SMAD1: variants seen among roughly 807,000 people sequenced by gnomAD.
SMAD1 encodes SMAD family member 1, also known as MAD, mothers against decapentaplegic homolog 1.
SMAD1 carries 6 observed loss-of-function variants against 41.6 expected under a neutral mutation model. The ratio of observed to expected loss-of-function variants is 0.14; its 90% CI spans 0.08 to 0.28. The LOEUF is 0.28. SMAD1 is among the 10% of genes least tolerant of loss of function. The pLI, the probability that SMAD1 is intolerant of heterozygous loss-of-function variation, is 1.00. For synonymous variants in SMAD1, 206 were observed against 203.2 expected (o/e 1.01, Z -0.12); for missense variants, 379 against 582.6 (o/e 0.65, Z 3.60).
At chr4:145,531,148 T>A (rs1212294530) in intron 2 of SMAD1, among the ~76,000 whole-genome samples, 4 of 152,248 alleles carry the variant, frequency 2.6e-5, no homozygotes, top group African/African-American at 9.6e-5. Flanking sequence ...TTATATATTT[T>A]CATTAAAATT....
At chr4:145,534,063 G>A (rs1731474384) in intron 2 of SMAD1, among the ~76,000 whole-genome samples, 1 of 152,166 alleles carries the variant, frequency 6.6e-6, no homozygotes, top group African/African-American at 2.4e-5. Context: ...GAAACATGCA[G>A]AGACCTCAGG....
At chr4:145,483,055 T>C (rs1032087844) in intron 1 of SMAD1, 10 of 152,314 alleles carry the variant, frequency 6.6e-5, no homozygotes, top group Admixed American at 2.6e-4. Flanking sequence ...GTAGCTGAGC[T>C]TTTGTTTATT....
chr4:145,541,781 C>T (rs1731953943), intron 3 of SMAD1, among the ~76,000 whole-genome samples: 1 of 152,154 alleles, frequency 6.6e-6, no homozygotes, highest in Non-Finnish European at 1.5e-5. Context: ...AAGGCTCTGA[C>T]ACATATGCTA....
chr4:145,525,778 A>G (rs1479089535), intron 2 of SMAD1: 1 of 152,214 alleles, frequency 6.6e-6, no homozygotes, highest in East Asian at 1.9e-4. Flanking sequence ...ATAATACTCA[A>G]TTGCAGGTCT....
rs1389989467 is a variant in SMAD1 at position 145,482,936 on chromosome 4, T to C, written c.-177+898T>C. The stretch of plus-strand genomic sequence containing the variant: ...GTGGGCGTGAGAGACAGATGTGGGC[T>C]TGTTTTTCTAGTTGCTGAAACTGTA... On this transcript the variant is annotated intron_variant, in intron 1 of 6. Coordinates refer to ENST00000302085, the MANE Select transcript of SMAD1 (RefSeq NM_005900.3). This position sits in a 1 kb window ranked among gnomAD's most constrained non-coding sequence, Gnocchi z 4.2. The C allele has an allele frequency of 6.6e-6, 1 of 152,280 alleles. No homozygotes were observed. Among genetic ancestry groups the C allele is most frequent in the Non-Finnish European group, 1.5e-5 (1 of 68,078 alleles). 9.4% of individuals were successfully genotyped at this position (152,280 alleles called of 1,614,324 possible).
intron 2 of SMAD1, among the ~76,000 whole-genome samples, chr4:145,519,765 T>G (rs1435993630): frequency 6.6e-6 from 1 of 152,138 alleles, no homozygotes; most frequent in East Asian, 1.9e-4. Context: ...TAGCTTAAGG[T>G]TTGTACCCTT....
chr4:145,539,820 G>A lies in SMAD1; in HGVS notation c.417G>A (p.Leu139=). ...RVESPVLPPV[L]VPRHSEYNPQ... is the part of the protein sequence containing the mutation. ...TTTTTCTAGTACTTCCTCCTGTGCTGGTTCCAAGACACAGCGAATATAATC... is the reference window on the plus strand; with the variant it reads ...TTTTTCTAGTACTTCCTCCTGTGCTAGTTCCAAGACACAGCGAATATAATC... The change falls in exon 3 of 7, where the codon CTG becomes CTA. Residue 139 remains leucine, a synonymous_variant. Transcript: ENST00000302085. 6.2e-7 allele frequency: 1 copy of A among 1,613,740 alleles called. No individual in the cohort carries two copies.
chr4:145,492,345 C>T (rs1237751855), intron 1 of SMAD1, among the ~76,000 whole-genome samples: 1 of 152,174 alleles, frequency 6.6e-6, no homozygotes, highest in African/African-American at 2.4e-5. Flanking sequence ...AGTTGGGGCT[C>T]CTATGACTCC....
chr4:145,503,481 G>T (rs1729583810), intron 1 of SMAD1, among the ~76,000 whole-genome samples: 1 of 152,070 alleles, frequency 6.6e-6, no homozygotes. Context: ...TGTTCTAGAG[G>T]TTTTTTCCTC....
At chr4:145,513,623 C>T (rs371674797) in intron 1 of SMAD1, among the ~76,000 whole-genome samples, 3 of 152,116 alleles carry the variant, frequency 2.0e-5, no homozygotes, top group East Asian at 1.9e-4. Flanking sequence ...AATATTACTA[C>T]ATTTATATAA....
chr4:145,543,187 G>A (rs1278484697), intron 4 of SMAD1, among the ~76,000 whole-genome samples: 1 of 152,084 alleles, frequency 6.6e-6, no homozygotes, highest in Non-Finnish European at 1.5e-5. Context: ...GGCTGGTCAC[G>A]AATTCCTGAC....
At chr4:145,500,365 C>T (rs1406621032) in intron 1 of SMAD1, among the ~76,000 whole-genome samples, 1 of 152,154 alleles carries the variant, frequency 6.6e-6, no homozygotes, top group Non-Finnish European at 1.5e-5. Context: ...ACCTCTCTGG[C>T]CTCATCTCTC....
rs142069890 is a variant in SMAD1, at chr4:145,522,464, G to A, written c.400+7451G>A. On this transcript the variant is annotated intron_variant, in intron 2 of 6. Transcript: ENST00000302085. ...TAAAAATACAAAATTAGCCCACGTG[G>A]TGGTGCACGGCCTGTAATCCCAGCT... Among the ~76,000 whole-genome samples the A allele has an allele frequency of 5.7e-4, 86 of 151,916 alleles. No homozygotes were observed. In the East Asian group the frequency reaches 0.016, roughly 29 times the overall value.
At position 145,505,170 on chromosome 4, in the gene SMAD1, A is replaced by G. The variant is rs142503922; in HGVS notation, c.-176-9268A>G. On this transcript the variant is annotated intron_variant, in intron 1 of 6. Transcript: ENST00000302085. ...AGGTTAGAAAAAAGTAGTTTGTTTT[A>G]TAGTAATGAGAATTACATTACAAGT... 4.6e-5 allele frequency among the ~76,000 whole-genome samples: 7 copies of G among 152,312 alleles called. No individual in the cohort carries two copies. In the East Asian group the frequency reaches 9.7e-4, roughly 21 times the overall value.
intron 2 of SMAD1, among the ~76,000 whole-genome samples, chr4:145,530,327 G>A (rs1452062204): frequency 8.5e-5 from 13 of 152,180 alleles, no homozygotes; most frequent in African/African-American, 2.4e-5. Flanking sequence ...GAGCAAAGGT[G>A]CAGAAGTATG....
At chr4:145,545,404 AC>A (rs1011862730) in intron 4 of SMAD1, 3 of 152,252 alleles carry the variant, frequency 2.0e-5, no homozygotes, top group Admixed American at 1.3e-4. Context: ...CTTGTAAATC[AC>A]TAAAGTTTTG....
chr4:145,554,116 T>C lies in SMAD1; in HGVS notation c.1254+76T>C, dbSNP rs552688409. ...CTTTTTTTTTTTTTTTTTGGCGATATATGAATCTATATCCTCTTGATAACA... is the reference window on the plus strand; with the variant it reads ...CTTTTTTTTTTTTTTTTTGGCGATACATGAATCTATATCCTCTTGATAACA... On this transcript the variant is annotated intron_variant, in intron 6 of 6. Coordinates refer to ENST00000302085, the MANE Select transcript of SMAD1 (RefSeq NM_005900.3). 790 of 1,225,848 alleles carry C rather than the reference T, an allele frequency of 6.4e-4. 16 individuals are homozygous for C. In the South Asian group the frequency reaches 0.01, roughly 16 times the overall value. 75.9% of individuals were successfully genotyped at this position (1,225,848 alleles called of 1,614,324 possible). A position where few individuals can be genotyped will look rare whatever the true frequency, so the allele number is the denominator to read the frequency against.
intron 1 of SMAD1, among the ~76,000 whole-genome samples, chr4:145,484,352 A>G (rs1285335121): frequency 2.0e-5 from 3 of 152,308 alleles, no homozygotes; most frequent in Non-Finnish European, 4.4e-5. Flanking sequence ...AGCCTTTTCA[A>G]CCTGCTTGAG....
chr4:145,511,753 A>T (rs1005858894), intron 1 of SMAD1, among the ~76,000 whole-genome samples: 21 of 152,210 alleles, frequency 1.4e-4, no homozygotes, highest in Admixed American at 1.4e-3. Flanking sequence ...GTTGCCATGC[A>T]TTTTAATTGT....
Sources: gnomAD v4.1 joint callset for allele counts (sites outside exome capture counted in the v4.1 genomes callset) on GRCh38, gnomAD v4.1.1 for gene constraint, Gnocchi (gnomAD v3.1) non-coding constraint, MANE v1.5 for transcripts, NCBI Gene and HGNC (gene_info 2026-07-23, HGNC 2026-07-21) for gene names.